Variants in INPP4B observed in about 807,000 individuals in gnomAD.
The protein encoded by INPP4B is inositol polyphosphate-4-phosphatase type II B, also known as inositol polyphosphate 4-phosphatase type II.
In INPP4B, 55 loss-of-function variants were observed where a neutral mutation model predicts 122.5. The observed-to-expected ratio is 0.45, with a 90% CI of 0.36 to 0.56. The LOEUF (loss-of-function observed/expected upper bound fraction) is 0.56, where lower values mean the gene tolerates loss of function less well. Among genes scored for constraint, INPP4B ranks in the 20% least tolerant of loss-of-function variants. The pLI, the probability that INPP4B is intolerant of heterozygous loss-of-function variation, is 0.00. For missense variants in INPP4B, 1,000 were observed against 1,097.7 expected (o/e 0.91, Z 1.26); for synonymous variants, 403 against 388.7 (o/e 1.04, Z -0.43).
chr4:142,707,948 T>C (rs1287400309), intron 2 of INPP4B, among the ~76,000 whole-genome samples: 1 of 152,194 alleles, frequency 6.6e-6, no homozygotes, highest in Admixed American at 6.5e-5. Flanking sequence ...AAAATGCTGA[T>C]AGTGATACGG....
chr4:142,825,540 G>A (rs1781353653), intron 1 of INPP4B, among the ~76,000 whole-genome samples: 1 of 151,974 alleles, frequency 6.6e-6, no homozygotes, highest in African/African-American at 2.4e-5. Flanking sequence ...ACCCCAAGAA[G>A]CTTATAATCT....
chr4:142,737,617 C>G (rs1767160173), intron 1 of INPP4B, among the ~76,000 whole-genome samples: 2 of 152,116 alleles, frequency 1.3e-5, no homozygotes, highest in South Asian at 4.1e-4. Flanking sequence ...CAAATGGGAT[C>G]TAATTAAACT....
At position 142,145,872 on chromosome 4, in the gene INPP4B, G is replaced by A; in HGVS notation, c.1688C>T (p.Ser563Leu). The change falls in exon 18 of 26, where the codon TCA (serine) becomes TTA (leucine). Residue 563 changes from serine to leucine, a missense_variant. Physicochemically the swap from Ser to Leu is moderately radical, Grantham distance 145. Coordinates refer to ENST00000262992, the MANE Select transcript of INPP4B (RefSeq NM_001101669.3). ...GTGAGAGGGAATGGCATCTGTTAAT[G>A]AAGGTTCCTTTTCTCCATCATTGTT... ...GGNNDGEKEP[S>L]LTDAIPSHPR... The A allele has an allele frequency of 6.2e-7, 1 of 1,613,640 alleles. No individual in the cohort carries two copies. The highest frequency in any genetic ancestry group is 1.1e-5 in the South Asian group (1 of 91,070).
intron 2 of INPP4B, among the ~76,000 whole-genome samples, chr4:142,663,103 T>C (rs1755480211): frequency 6.6e-6 from 1 of 152,126 alleles, no homozygotes; most frequent in African/African-American, 2.4e-5. Context: ...TTGAAAGACA[T>C]TAAAAGCATA....
intron 2 of INPP4B, among the ~76,000 whole-genome samples, chr4:142,631,271 A>G (rs1747890681): frequency 6.6e-6 from 1 of 152,182 alleles, no homozygotes; most frequent in African/African-American, 2.4e-5. Flanking sequence ...CGAAAATTCT[A>G]GAACTAGTAA....
intron 1 of INPP4B, among the ~76,000 whole-genome samples, chr4:142,791,877 ATGTTCTCATATTGCATTGCAC>A (rs1196593875): frequency 3.9e-5 from 6 of 152,050 alleles, no homozygotes; most frequent in Non-Finnish European, 7.4e-5. Context: ...TCCCACCCAG[ATGTTCTCATATTGCATTGCAC>A]TGCTCACAGC....
chr4:142,790,438 C>A (rs891916213), intron 1 of INPP4B, among the ~76,000 whole-genome samples: 1 of 151,930 alleles, frequency 6.6e-6, no homozygotes, highest in African/African-American at 2.4e-5. Flanking sequence ...AGAAGATATA[C>A]AAATGGCCAA....
rs76157512 is a variant in INPP4B, at chr4:142,520,342, T to C, written c.-190-57616A>G. On this transcript the variant is annotated intron_variant, in intron 2 of 25. Coordinates refer to ENST00000262992, the MANE Select transcript of INPP4B (RefSeq NM_001101669.3). The stretch of plus-strand genomic sequence containing the variant: ...AGGGTTAGCTATTCATCATAGGTAC[T>C]AGATCTTTACACATAACTTTAAAAA... Among the ~76,000 whole-genome samples the C allele has an allele frequency of 7.1e-3, 1,079 of 152,064 alleles. 15 individuals carry two copies. The highest frequency in any genetic ancestry group is 0.025 in the African/African-American group (1,020 of 41,548).
intron 3 of INPP4B, among the ~76,000 whole-genome samples, chr4:142,445,790 A>G (rs891388604): frequency 2.0e-5 from 3 of 152,188 alleles, no homozygotes; most frequent in Admixed American, 2.0e-4. Flanking sequence ...GCTGACTCAT[A>G]AAAGAAACCT....
intron 14 of INPP4B, among the ~76,000 whole-genome samples, chr4:142,208,170 AG>A: frequency 6.6e-6 from 1 of 152,258 alleles, no homozygotes; most frequent in Non-Finnish European, 1.5e-5. Context: ...ATATTACTTA[AG>A]GGTGCTATTA....
chr4:142,152,563 A>T (rs6852106), intron 17 of INPP4B, among the ~76,000 whole-genome samples: 17,558 of 151,996 alleles, frequency 0.12, 1,575 homozygotes, highest in African/African-American at 0.25. Flanking sequence ...CGACTCTGAA[A>T]ATTTTGGGCG....
At chr4:142,431,637 T>G (rs1190642596) in intron 3 of INPP4B, among the ~76,000 whole-genome samples, 1 of 152,158 alleles carries the variant, frequency 6.6e-6, no homozygotes, top group Non-Finnish European at 1.5e-5. Flanking sequence ...ATCTTCTAGT[T>G]CAGTCTGTAA....
At chr4:142,813,473 T>C (rs1392545243) in intron 1 of INPP4B, among the ~76,000 whole-genome samples, 2 of 152,182 alleles carry the variant, frequency 1.3e-5, no homozygotes, top group Non-Finnish European at 2.9e-5. Context: ...ACACAATGTT[T>C]CTCTAATATC....
intron 14 of INPP4B, among the ~76,000 whole-genome samples, chr4:142,201,407 G>C (rs1003598704): frequency 1.3e-5 from 2 of 152,070 alleles, no homozygotes; most frequent in East Asian, 3.9e-4. Flanking sequence ...ATTATCTTAG[G>C]TAATCTTCTT....
intron 7 of INPP4B, among the ~76,000 whole-genome samples, chr4:142,352,697 T>C (rs1400667274): frequency 2.0e-5 from 3 of 151,928 alleles, no homozygotes; most frequent in Non-Finnish European, 2.9e-5. Flanking sequence ...TCTAATTACA[T>C]TTTGTTAATT....
intron 9 of INPP4B, among the ~76,000 whole-genome samples, chr4:142,287,831 T>A (rs778000283): frequency 8.4e-4 from 128 of 152,166 alleles, no homozygotes; most frequent in Non-Finnish European, 4.9e-4. Context: ...CAAAATAGCA[T>A]ATAAAACTGA....
At chr4:142,036,424 T>C (rs945032543) in intron 25 of INPP4B, among the ~76,000 whole-genome samples, 3 of 152,168 alleles carry the variant, frequency 2.0e-5, no homozygotes, top group Non-Finnish European at 4.4e-5. Context: ...AACATAATAG[T>C]AGAGAAATAC....
intron 7 of INPP4B, among the ~76,000 whole-genome samples, chr4:142,374,939 C>A (rs78916862): frequency 6.6e-6 from 1 of 151,796 alleles, no homozygotes; most frequent in Non-Finnish European, 1.5e-5. Context: ...AAGGTAGGAA[C>A]AATTACCAAG....
intron 2 of INPP4B, among the ~76,000 whole-genome samples, chr4:142,472,619 C>G (rs1013098210): frequency 1.4e-4 from 21 of 152,140 alleles, no homozygotes; most frequent in African/African-American, 4.6e-4. Context: ...TATTACATAG[C>G]TCCCCATCTC....
Sources: allele counts gnomAD v4.1 joint callset (sites outside exome capture counted in the v4.1 genomes callset), GRCh38; gene constraint gnomAD v4.1.1; transcripts MANE v1.5; gene names NCBI Gene and HGNC (gene_info 2026-07-23, HGNC 2026-07-21).